Variants in PTCHD4 observed in about 807,000 individuals in gnomAD.
The protein encoded by PTCHD4 is patched domain containing 4.
A neutral mutation model predicts 58.1 loss-of-function variants in PTCHD4; 33 were observed. That is an observed-to-expected ratio of 0.57 (90% CI 0.43 to 0.76). The LOEUF (loss-of-function observed/expected upper bound fraction) is 0.76. Among genes scored for constraint, PTCHD4 ranks in the 30% least tolerant of loss-of-function variants. The pLI is 0.00. For missense variants in PTCHD4, 1,058 were observed against 1,027.1 expected (o/e 1.03, Z -0.41); for synonymous variants, 478 against 409.6 (o/e 1.17, Z -2.02).
chr6:48,069,002 C>A lies in PTCHD4; in HGVS notation c.-45G>T, dbSNP rs1242812251. On this transcript the variant is annotated 5_prime_UTR_variant, in exon 2 of 5. Transcript: ENST00000339488. Reference sequence around the variant, plus strand: ...TAGCCCTTCATCTCGGTGCTGCAGTCCCCTGGCCTCCCTCGCTGGAGGTGG... The same window carrying A: ...TAGCCCTTCATCTCGGTGCTGCAGTACCCTGGCCTCCCTCGCTGGAGGTGG... Among the ~76,000 whole-genome samples, 1 of 151,118 alleles carries A rather than the reference C, an allele frequency of 6.6e-6. No homozygotes were observed. The highest frequency in any genetic ancestry group is 1.5e-5 in the Non-Finnish European group (1 of 67,778).
At chr6:48,004,410 G>A (rs748687169) in intron 4 of PTCHD4, among the ~76,000 whole-genome samples, 1 of 152,098 alleles carries the variant, frequency 6.6e-6, no homozygotes, top group Non-Finnish European at 1.5e-5. Flanking sequence ...TAGAATATCA[G>A]CAAAGCACAG....
chr6:48,078,723 TC>T (rs1322269621), intron 1 of PTCHD4, among the ~76,000 whole-genome samples: 1 of 152,204 alleles, frequency 6.6e-6, no homozygotes, highest in African/African-American at 2.4e-5. Flanking sequence ...CTCTTTTTTT[TC>T]TGAAATGTTT....
intron 4 of PTCHD4, among the ~76,000 whole-genome samples, chr6:47,926,924 T>C (rs1334380312): frequency 2.0e-5 from 3 of 152,236 alleles, no homozygotes; most frequent in African/African-American, 7.2e-5. Flanking sequence ...TAGGGGATTA[T>C]TGAAACACTT....
At chr6:48,061,260 T>C (rs1390233418) in intron 3 of PTCHD4, among the ~76,000 whole-genome samples, 2 of 152,164 alleles carry the variant, frequency 1.3e-5, no homozygotes. Context: ...TTTTAGAAAA[T>C]ATTGAACGAC....
intron 3 of PTCHD4, among the ~76,000 whole-genome samples, chr6:48,033,995 G>A (rs1763541469): frequency 6.6e-6 from 1 of 152,088 alleles, no homozygotes; most frequent in South Asian, 2.1e-4. Flanking sequence ...GAGCAGGGCA[G>A]TCCAGAGCAA....
chr6:48,100,069 CA>C (rs1482210708), intron 1 of PTCHD4, among the ~76,000 whole-genome samples: 2 of 152,174 alleles, frequency 1.3e-5, no homozygotes, highest in South Asian at 4.1e-4. Context: ...ATTACTGGCA[CA>C]TATCTCATAA....
intron 3 of PTCHD4, among the ~76,000 whole-genome samples, chr6:48,040,083 C>T (rs578058924): frequency 6.6e-6 from 1 of 152,144 alleles, no homozygotes; most frequent in African/African-American, 2.4e-5. Flanking sequence ...AATGGGCAAC[C>T]TTTAAGGTCA....
At chr6:48,041,400 A>G (rs1295248231) in intron 3 of PTCHD4, among the ~76,000 whole-genome samples, 6 of 152,096 alleles carry the variant, frequency 3.9e-5, no homozygotes, top group Non-Finnish European at 8.8e-5. Context: ...AACACTTGGT[A>G]AAGACTACCT....
At chr6:47,928,445 T>C (rs1371167722) in intron 4 of PTCHD4, among the ~76,000 whole-genome samples, 2 of 152,212 alleles carry the variant, frequency 1.3e-5, no homozygotes, top group Non-Finnish European at 2.9e-5. Context: ...CTCCCTAAAC[T>C]ACTGAGGAAA....
chr6:47,983,952 CAT>C (rs1020332959), intron 4 of PTCHD4, among the ~76,000 whole-genome samples: 5 of 152,162 alleles, frequency 3.3e-5, no homozygotes, highest in Admixed American at 3.3e-4. Context: ...AAAATAATAA[CAT>C]ATTTCATTCC....
At chr6:47,996,392 T>C (rs950969710) in intron 4 of PTCHD4, among the ~76,000 whole-genome samples, 4 of 151,882 alleles carry the variant, frequency 2.6e-5, no homozygotes, top group African/African-American at 4.8e-5. Flanking sequence ...GGAGAATCAC[T>C]TGAACCCGGG....
intron 3 of PTCHD4, among the ~76,000 whole-genome samples, chr6:48,057,405 G>A (rs1764451502): frequency 6.6e-6 from 1 of 151,988 alleles, no homozygotes; most frequent in Non-Finnish European, 1.5e-5. Flanking sequence ...TATCCTCCCA[G>A]GCAAATTAAT....
intron 4 of PTCHD4, among the ~76,000 whole-genome samples, chr6:47,997,412 C>T: frequency 6.6e-6 from 1 of 152,198 alleles, no homozygotes; most frequent in East Asian, 1.9e-4. Flanking sequence ...TTAATAAATA[C>T]TCTTTACTAA....
At chr6:47,968,266 T>C (rs1767373162) in intron 4 of PTCHD4, among the ~76,000 whole-genome samples, 1 of 152,188 alleles carries the variant, frequency 6.6e-6, no homozygotes, top group Admixed American at 6.5e-5. Context: ...ACACAGACTA[T>C]ATTTATTGAT....
intron 4 of PTCHD4, among the ~76,000 whole-genome samples, chr6:47,946,649 C>A (rs112308048): frequency 0.033 from 5,077 of 152,214 alleles, 151 homozygotes; most frequent in African/African-American, 0.075. Context: ...TTTTAACCAA[C>A]CAGTTCAGTG....
chr6:47,879,227 T>A lies in PTCHD4; in HGVS notation c.1608A>T (p.Arg536Ser). 1 of 1,613,024 alleles carries A rather than the reference T, an allele frequency of 6.2e-7. No homozygotes were observed. The highest frequency in any genetic ancestry group is 8.5e-7 in the Non-Finnish European group (1 of 1,179,578). The change falls in exon 5 of 5, where the codon AGA (arginine) becomes AGT (serine). Residue 536 changes from arginine (R) to serine (S), a missense_variant. Arg to Ser is a moderately radical substitution (Grantham distance 110). Coordinates refer to ENST00000339488, the MANE Select transcript of PTCHD4 (RefSeq NM_001384253.1). ...YWNSSVQDDL[R>S]RLCSGFTAVS... ...CTGCAGTGAATCCACTACAGAGTCTTCTTAGGTCATCCTGGACGCTGCTGT... is the reference window on the plus strand; with the variant it reads ...CTGCAGTGAATCCACTACAGAGTCTACTTAGGTCATCCTGGACGCTGCTGT...
At position 47,867,041 on chromosome 6, in the gene PTCHD4, T is replaced by C. The variant is rs1763585803; in HGVS notation, c.*11262A>G. On this transcript the variant is annotated 3_prime_UTR_variant, in exon 5 of 5. Transcript: ENST00000339488. ...GATATATTTTACCATAGGGACATAG[T>C]ACTTGTTTACAATGTTTTCTTTCTG... Among the ~76,000 whole-genome samples, 1 of 151,872 alleles carries C rather than the reference T, an allele frequency of 6.6e-6. No homozygotes were observed. The highest frequency in any genetic ancestry group is 2.1e-4 in the South Asian group (1 of 4,828).
At position 47,859,235 on chromosome 6, in the gene PTCHD4, A is replaced by T. The variant is rs145820148; in HGVS notation, c.*19068T>A. On this transcript the variant is annotated 3_prime_UTR_variant, in exon 5 of 5. Transcript: ENST00000339488. ...CATTTAAGGATGTGGCTGCCATGAT[A>T]ATCTTTCACTTGTTCAGCAGTATTT... 0.013 allele frequency among the ~76,000 whole-genome samples: 2,022 copies of T among 152,138 alleles called. 16 individuals carry two copies. Among genetic ancestry groups the T allele is most frequent in the Non-Finnish European group, 0.022 (1,488 of 67,966 alleles).
At chr6:48,102,524 C>G (rs1196467135) in intron 1 of PTCHD4, among the ~76,000 whole-genome samples, 1 of 152,162 alleles carries the variant, frequency 6.6e-6, no homozygotes, top group Admixed American at 6.5e-5. Flanking sequence ...GTCTACAGTT[C>G]CCAGCGTGAG....
Sources: gnomAD v4.1 joint callset for allele counts (sites outside exome capture counted in the v4.1 genomes callset) on GRCh38, gnomAD v4.1.1 for gene constraint, MANE v1.5 for transcripts, NCBI Gene and HGNC (gene_info 2026-07-23, HGNC 2026-07-21) for gene names.